ZNRF3: variants seen among roughly 807,000 people sequenced by gnomAD.
ZNRF3 encodes E3 ubiquitin-protein ligase ZNRF3.
In ZNRF3, 23 loss-of-function variants were observed where a neutral mutation model predicts 72.5. That is an observed-to-expected ratio of 0.32 (90% CI 0.23 to 0.45). The LOEUF is 0.45. Ranked by LOEUF, ZNRF3 falls within the 20% of genes least tolerant of loss-of-function variation. The probability of loss-of-function intolerance (pLI) is 1.00; values close to 1 mark genes in which losing one functional copy is unlikely to be tolerated. For synonymous variants in ZNRF3, 610 were observed against 545.3 expected, an observed-to-expected ratio of 1.12 and a Z score of -1.65; for missense variants, 1,169 against 1,272.1, an observed-to-expected ratio of 0.92 and a Z score of 1.23.
At chr22:28,983,413 T>C (rs1448388144) in intron 1 of ZNRF3, among the ~76,000 whole-genome samples, 6 of 152,212 alleles carry the variant, frequency 3.9e-5, no homozygotes, top group Admixed American at 3.9e-4. Flanking sequence ...AGGCCGTGTG[T>C]TCTGCTCCTC....
chr22:29,044,989 T>C (rs770660954), intron 5 of ZNRF3, 99 bp downstream of exon 5: 7 of 833,920 alleles, frequency 8.4e-6, no homozygotes, highest in Non-Finnish European at 1.4e-5. Flanking sequence ...TGGTGCAACA[T>C]GGAGCCTCAC....
chr22:28,961,019 A>G (rs1041005680), intron 1 of ZNRF3, among the ~76,000 whole-genome samples: 2 of 152,200 alleles, frequency 1.3e-5, no homozygotes, highest in Non-Finnish European at 2.9e-5. Flanking sequence ...CTTTTGCTCT[A>G]ACAAAATACC....
At chr22:28,998,738 T>C (rs949587951) in intron 2 of ZNRF3, among the ~76,000 whole-genome samples, 6 of 152,202 alleles carry the variant, frequency 3.9e-5, no homozygotes, top group Non-Finnish European at 8.8e-5. Flanking sequence ...ATCAGAGACA[T>C]TTTTAGCTAT....
intron 1 of ZNRF3, chr22:28,986,615 G>A (rs371895794): frequency 1.5e-5 from 15 of 985,364 alleles, no homozygotes; most frequent in Middle Eastern, 5.2e-4. Flanking sequence ...CATAGAGTCC[G>A]GGATGTGTTT....
intron 2 of ZNRF3, among the ~76,000 whole-genome samples, chr22:29,015,668 TA>T (rs56728614): frequency 0.52 from 72,269 of 139,252 alleles, 18,129 homozygotes; most frequent in Non-Finnish European, 0.54. Flanking sequence ...AGATTCTGTT[TA>T]AAAAAAAAAA....
chr22:28,903,123 T>C (rs2034138507), intron 1 of ZNRF3, among the ~76,000 whole-genome samples: 1 of 152,172 alleles, frequency 6.6e-6, no homozygotes, highest in South Asian at 2.1e-4. Context: ...GATTCCCAGT[T>C]CCCTCTGTTT....
At chr22:28,890,125 T>A (rs951536991) in intron 1 of ZNRF3, among the ~76,000 whole-genome samples, 1 of 152,250 alleles carries the variant, frequency 6.6e-6, no homozygotes, top group Non-Finnish European at 1.5e-5. Context: ...TTGATTGTTA[T>A]TTCCAGAAAC....
In ZNRF3 at chr22:29,044,801, A is replaced by G. The variant is rs754891651; in HGVS notation, c.655A>G (p.Met219Val). The G allele has an allele frequency of 2.9e-5, 47 of 1,613,962 alleles. 1 individual carries two copies. Among genetic ancestry groups the G allele is most frequent in the South Asian group, 1.2e-4 (11 of 91,084 alleles). The change falls in exon 5 of 9, where the codon ATG becomes GTG. Residue 219 changes from methionine (M) to valine (V), a missense_variant. Met to Val is a conservative substitution (Grantham distance 21). Coordinates refer to ENST00000544604, the MANE Select transcript of ZNRF3 (RefSeq NM_001206998.2). ...PPRQPTEYFDMGIFLAFFVVV... is the reference protein window; with the variant it reads ...PPRQPTEYFDVGIFLAFFVVV... ...CCAGCAACCCACTGAATACTTTGAC[A>G]TGGGGATTTTCCTGGCTTTCTTCGT... is the stretch of plus-strand genomic sequence containing the variant.
chr22:28,966,146 A>T (rs935684484), intron 1 of ZNRF3, among the ~76,000 whole-genome samples: 3 of 152,240 alleles, frequency 2.0e-5, no homozygotes, highest in African/African-American at 7.2e-5. Flanking sequence ...CCTGACTGGC[A>T]AAAGCCTAAT....
intron 1 of ZNRF3, among the ~76,000 whole-genome samples, chr22:28,944,356 C>G (rs992659034): frequency 1.3e-5 from 2 of 152,142 alleles, no homozygotes; most frequent in African/African-American, 4.8e-5. Flanking sequence ...AGTGCAGTGG[C>G]TCACACCTGT....
At chr22:28,990,380 G>A (rs2035932421) in intron 2 of ZNRF3, among the ~76,000 whole-genome samples, 1 of 152,170 alleles carries the variant, frequency 6.6e-6, no homozygotes, top group African/African-American at 2.4e-5. Flanking sequence ...ATTTCTTAGA[G>A]TTTGCTATTA....
chr22:28,889,757 TG>T (rs1373085148), intron 1 of ZNRF3, among the ~76,000 whole-genome samples: 1 of 152,214 alleles, frequency 6.6e-6, no homozygotes, highest in African/African-American at 2.4e-5. Context: ...TGCATTTACA[TG>T]GCAAAGTGTA....
chr22:29,015,015 C>A (rs974372944), intron 2 of ZNRF3, among the ~76,000 whole-genome samples: 2 of 152,250 alleles, frequency 1.3e-5, no homozygotes, highest in Non-Finnish European at 2.9e-5. Context: ...TCTGATGCTT[C>A]CTGTCATTCT....
intron 1 of ZNRF3, among the ~76,000 whole-genome samples, chr22:28,937,671 C>T (rs1386188409): frequency 1.3e-5 from 2 of 152,162 alleles, no homozygotes; most frequent in Non-Finnish European, 2.9e-5. Context: ...GCTGCTACTG[C>T]AGCTGACCTG....
At chr22:29,001,413 T>A (rs1035857631) in intron 2 of ZNRF3, among the ~76,000 whole-genome samples, 3 of 151,946 alleles carry the variant, frequency 2.0e-5, no homozygotes, top group Admixed American at 6.6e-5. Context: ...TTTCTCCCAT[T>A]CTGTGGGATA....
intron 1 of ZNRF3, among the ~76,000 whole-genome samples, chr22:28,912,676 T>C (rs2034340065): frequency 5.3e-5 from 8 of 149,980 alleles, no homozygotes; most frequent in Admixed American, 4.6e-4. Context: ...TTTTTTTTTT[T>C]TTTTTGAGAC....
chr22:28,978,628 A>T (rs2035714358), intron 1 of ZNRF3, among the ~76,000 whole-genome samples: 1 of 152,226 alleles, frequency 6.6e-6, no homozygotes, highest in Non-Finnish European at 1.5e-5. Flanking sequence ...GATTAAAATA[A>T]TTCACGTGTC....
At chr22:28,925,428 C>G (rs2034583046) in intron 1 of ZNRF3, among the ~76,000 whole-genome samples, 1 of 152,164 alleles carries the variant, frequency 6.6e-6, no homozygotes, top group Non-Finnish European at 1.5e-5. Flanking sequence ...TGAGGTGTCC[C>G]CTTCTCTAAC....
At chr22:28,963,558 C>T (rs1335736906) in intron 1 of ZNRF3, among the ~76,000 whole-genome samples, 3 of 152,242 alleles carry the variant, frequency 2.0e-5, no homozygotes, top group Middle Eastern at 6.8e-3. Flanking sequence ...GGGCAAGTGG[C>T]ATAAGGGCCC....
Sources: allele counts gnomAD v4.1 joint callset (sites outside exome capture counted in the v4.1 genomes callset), GRCh38; gene constraint gnomAD v4.1.1; transcripts MANE v1.5; gene names NCBI Gene and HGNC (gene_info 2026-07-23, HGNC 2026-07-21).